Variants in RCBTB2 observed in about 807,000 individuals in gnomAD.
RCBTB2 encodes RCC1 and BTB domain containing protein 2.
RCBTB2 carries 55 observed loss-of-function variants against 65.4 expected under a neutral mutation model. That is an observed-to-expected ratio of 0.84 (90% CI 0.68 to 1.05). The LOEUF (loss-of-function observed/expected upper bound fraction) is 1.05, where lower values mean the gene tolerates loss of function less well. RCBTB2 is among the 50% of genes least tolerant of loss of function. The pLI, the probability that RCBTB2 is intolerant of heterozygous loss-of-function variation, is 0.00. For synonymous variants in RCBTB2, 220 were observed against 255.2 expected (o/e 0.86, Z 1.31); for missense variants, 599 against 680.1 (o/e 0.88, Z 1.33).
intron 4 of RCBTB2, among the ~76,000 whole-genome samples, chr13:48,521,373 TTAAC>T (rs924730009): frequency 1.3e-5 from 2 of 152,204 alleles, no homozygotes; most frequent in Non-Finnish European, 2.9e-5. Context: ...TTATGTAAAT[TTAAC>T]AAAATAACAC....
Position 48,523,109 on chromosome 13 carries a change from C to T in RCBTB2, c.-119-706G>A, listed in dbSNP as rs184476224. On this transcript the variant is annotated intron_variant, in intron 2 of 14. Coordinates refer to ENST00000344532, the MANE Select transcript of RCBTB2 (RefSeq NM_001268.4). Reference sequence around the variant, plus strand: ...TTTTTAGAAGATTACTTAGAAGTTTCTCACTTAAAAATTTATAAACCGATC... The same window carrying T: ...TTTTTAGAAGATTACTTAGAAGTTTTTCACTTAAAAATTTATAAACCGATC... Among the ~76,000 whole-genome samples the T allele has an allele frequency of 3.7e-3, 557 of 152,214 alleles. 9 individuals are homozygous for T. Among genetic ancestry groups the T allele is most frequent in the Non-Finnish European group, 2.3e-3 (156 of 67,990 alleles).
chr13:48,498,223 G>C (rs926015779), intron 13 of RCBTB2, among the ~76,000 whole-genome samples: 1 of 152,220 alleles, frequency 6.6e-6, no homozygotes, highest in Non-Finnish European at 1.5e-5. Context: ...TCTGGCACAA[G>C]AAGTCCTGCA....
chr13:48,504,410 T>C, intron 10 of RCBTB2: 5 of 817,030 alleles, frequency 6.1e-6, no homozygotes, highest in Non-Finnish European at 7.4e-6. Context: ...CAAACAGGCT[T>C]TCTCATTGAC....
At chr13:48,503,133 A>AT (rs1487412619) in intron 10 of RCBTB2, among the ~76,000 whole-genome samples, 1 of 152,226 alleles carries the variant, frequency 6.6e-6, no homozygotes, top group Non-Finnish European at 1.5e-5. Flanking sequence ...CCACACTTCA[A>AT]TGGCACTTAT....
intron 10 of RCBTB2, among the ~76,000 whole-genome samples, chr13:48,506,509 A>G (rs889994489): frequency 1.1e-4 from 17 of 152,134 alleles, no homozygotes; most frequent in Non-Finnish European, 2.5e-4. Flanking sequence ...GGTGGCCTGG[A>G]TGTTAATGCA....
Position 48,496,314 on chromosome 13 carries a change from T to C in RCBTB2, c.1392A>G (p.Leu464=). 1.9e-6 allele frequency: 3 copies of C among 1,572,274 alleles called. No individual in the cohort carries two copies. In the East Asian group the frequency reaches 6.9e-5, roughly 36 times the overall value. The part of the protein sequence containing the change: ...SLSPEEAVGL[L]DLATFYRENR... ...TTTCTCTATAAAATGTAGCCAAGTCTAGCAGTCCTGGCGGAAAGAGGTGTT... is the reference window on the plus strand; with the variant it reads ...TTTCTCTATAAAATGTAGCCAAGTCCAGCAGTCCTGGCGGAAAGAGGTGTT... Residue 464 remains leucine, a synonymous_variant, in exon 14 of 15, where the codon CTA becomes CTG. Coordinates refer to ENST00000344532, the MANE Select transcript of RCBTB2 (RefSeq NM_001268.4).
intron 6 of RCBTB2, among the ~76,000 whole-genome samples, chr13:48,513,115 TATA>T (rs1325021257): frequency 1.3e-5 from 2 of 152,212 alleles, no homozygotes; most frequent in Non-Finnish European, 2.9e-5. Context: ...TGCATGCAGT[TATA>T]ATAACTGGAA....
chr13:48,493,304 C>T, intron 14 of RCBTB2, among the ~76,000 whole-genome samples: 1 of 93,746 alleles, frequency 1.1e-5, no homozygotes, highest in African/African-American at 5.0e-5. Context: ...CACACACACA[C>T]ACACACACAC....
Position 48,493,316 on chromosome 13 carries a change from C to CACACACT in RCBTB2, c.1515+2874_1515+2875insAGTGTGT, listed in dbSNP as rs1566254752. 2.4e-3 allele frequency among the ~76,000 whole-genome samples: 59 copies of CACACACT among 24,792 alleles called. 2 individuals are homozygous for CACACACT. The highest frequency in any genetic ancestry group is 8.4e-3 in the African/African-American group (57 of 6,748). The allele number at this position is 24,792 out of a possible 152,430, so 16.3% of individuals were successfully genotyped here. On this transcript the variant is annotated intron_variant, in intron 14 of 14. Coordinates refer to ENST00000344532, the MANE Select transcript of RCBTB2 (RefSeq NM_001268.4). Reference sequence around the variant, plus strand: ...ACACACACACACACACACACACACACTCTCTCTCTCTCTCTCTCTCTCTCT... The same window carrying CACACACT: ...ACACACACACACACACACACACACACACACACTTCTCTCTCTCTCTCTCTCTCTCTCT...
chr13:48,532,889 G>A, intron 1 of RCBTB2, 139 bp downstream of exon 1: 1 of 433,868 alleles, frequency 2.3e-6, no homozygotes, highest in South Asian at 1.6e-5. Context: ...CTAGTCCCCT[G>A]GGCCCCTCAG....
intron 4 of RCBTB2, among the ~76,000 whole-genome samples, chr13:48,521,657 C>G (rs1593775477): frequency 6.9e-6 from 1 of 144,302 alleles, no homozygotes; most frequent in South Asian, 2.1e-4. Context: ...CCTCATCTGT[C>G]ACTGTCACCA....
chr13:48,493,767 A>C (rs1479109554), intron 14 of RCBTB2, among the ~76,000 whole-genome samples: 1 of 152,080 alleles, frequency 6.6e-6, no homozygotes, highest in Non-Finnish European at 1.5e-5. Context: ...TCCCTGTCTT[A>C]CTTCTTTCCA....
intron 5 of RCBTB2, 69 bp downstream of exon 5, chr13:48,515,517 C>T: frequency 6.9e-7 from 1 of 1,449,614 alleles, no homozygotes; most frequent in Middle Eastern, 1.8e-4. Flanking sequence ...CTTAGTTCCC[C>T]CAAGATCTTC....
At chr13:48,503,957 C>T (rs1214389437) in intron 10 of RCBTB2, among the ~76,000 whole-genome samples, 2 of 152,168 alleles carry the variant, frequency 1.3e-5, no homozygotes, top group African/African-American at 2.4e-5. Flanking sequence ...ACTCTTTTAA[C>T]CCAGGGGAAG....
At chr13:48,525,372 T>TTA (rs1951654371) in intron 1 of RCBTB2, among the ~76,000 whole-genome samples, 7 of 67,534 alleles carry the variant, frequency 1.0e-4, no homozygotes, top group Admixed American at 4.1e-4. Flanking sequence ...AAAGGATTCA[T>TTA]GATATATATA....
intron 14 of RCBTB2, among the ~76,000 whole-genome samples, chr13:48,493,972 T>C (rs1252507664): frequency 1.3e-5 from 2 of 152,202 alleles, no homozygotes; most frequent in Non-Finnish European, 2.9e-5. Flanking sequence ...TAAATACTCC[T>C]GATTTCAAAA....
At chr13:48,512,270 C>T in intron 7 of RCBTB2, 96 bp from the exon 8 acceptor site, 1 of 1,028,850 alleles carries the variant, frequency 9.7e-7, no homozygotes, top group Non-Finnish European at 1.4e-6. Context: ...TCTTTCCTCT[C>T]AAAGTGCTTC....
intron 10 of RCBTB2, among the ~76,000 whole-genome samples, chr13:48,508,845 T>C (rs1161235851): frequency 1.3e-5 from 2 of 152,226 alleles, no homozygotes; most frequent in African/African-American, 4.8e-5. Flanking sequence ...TGCTACTTTT[T>C]CTTTCTCCCA....
At chr13:48,522,099 C>T in intron 3 of RCBTB2, 137 bp from the exon 4 acceptor site, 5 of 824,158 alleles carry the variant, frequency 6.1e-6, no homozygotes, top group African/African-American at 1.7e-5. Context: ...AGGAATTAAG[C>T]TTTAGGCATG....
Sources: gnomAD v4.1 joint callset for allele counts (sites outside exome capture counted in the v4.1 genomes callset) on GRCh38, gnomAD v4.1.1 for gene constraint, MANE v1.5 for transcripts, NCBI Gene and HGNC (gene_info 2026-07-23, HGNC 2026-07-21) for gene names.